FMNL3: variants seen among roughly 807,000 people sequenced by gnomAD.
FMNL3 encodes the protein formin-like protein 3.
In FMNL3, 57 loss-of-function variants were observed where a neutral mutation model predicts 119.6. The ratio of observed to expected loss-of-function variants is 0.48; its 90% CI spans 0.39 to 0.59. The LOEUF (loss-of-function observed/expected upper bound fraction) is 0.59. Among genes scored for constraint, FMNL3 ranks in the 20% least tolerant of loss-of-function variants. The pLI is 0.00. For synonymous variants in FMNL3, 491 were observed against 507.3 expected, an observed-to-expected ratio of 0.97 and a Z score of 0.43; for missense variants, 1,053 against 1,323.5, an observed-to-expected ratio of 0.80 and a Z score of 3.17.
At position 49,651,485 on chromosome 12, in the gene FMNL3, G is replaced by A. The variant is rs79956145; in HGVS notation, c.1604-35C>T. ...GAAGAAATGACACAGTGACCCAGGC[G>A]TCAAGAGACTCTTCATAGGCTTCCC... On this transcript the variant is annotated intron_variant, in intron 14 of 25. Transcript: ENST00000335154. 4,924 of 1,428,658 alleles carry A rather than the reference G, an allele frequency of 3.4e-3. 135 individuals are homozygous for A. The African/African-American group carries it at 0.063, about 18-fold the overall frequency. 88.5% of individuals were successfully genotyped at this position (1,428,658 alleles called of 1,614,324 possible). A position where few individuals can be genotyped will look rare whatever the true frequency, so the allele number is the denominator to read the frequency against.
intron 1 of FMNL3, among the ~76,000 whole-genome samples, 197 bp downstream of exon 1, chr12:49,706,858 G>A (rs1376213254): frequency 2.0e-5 from 3 of 152,094 alleles, no homozygotes; most frequent in Admixed American, 2.0e-4. Context: ...GGAGGCGTCG[G>A]TCCCGAGATC....
In FMNL3 at chr12:49,640,611, T is replaced by A. The variant is rs1942500101; in HGVS notation, c.*5204A>T. 6.6e-6 allele frequency: 1 copy of A among 152,212 alleles called. No homozygotes were observed. Among genetic ancestry groups the A allele is most frequent in the Non-Finnish European group, 1.5e-5 (1 of 68,038 alleles). The allele number at this position is 152,212 out of a possible 1,614,324, so 9.4% of individuals were successfully genotyped here. On this transcript the variant is annotated 3_prime_UTR_variant, in exon 26 of 26. Transcript: ENST00000335154. ...AGATTACTCCTGGTTGCTTATTGGC[T>A]CTGAGACCTCCGTAAGTTCCGTGTC...
intron 1 of FMNL3, among the ~76,000 whole-genome samples, chr12:49,695,673 C>A (rs1337521505): frequency 6.6e-6 from 1 of 152,078 alleles, no homozygotes; most frequent in African/African-American, 2.4e-5. Context: ...TGAGCCATTC[C>A]TAAAAGGATG....
chr12:49,674,699 G>A (rs189919750), intron 1 of FMNL3, among the ~76,000 whole-genome samples: 2 of 152,342 alleles, frequency 1.3e-5, no homozygotes, highest in African/African-American at 4.8e-5. Flanking sequence ...TTGTTCAATT[G>A]AAGCTACCAC....
chr12:49,664,320 A>G (rs1342779672), intron 4 of FMNL3, among the ~76,000 whole-genome samples: 1 of 152,192 alleles, frequency 6.6e-6, no homozygotes, highest in East Asian at 1.9e-4. Flanking sequence ...TAGGAGGATC[A>G]CTTGAGCCCT....
rs760411628 is a variant in FMNL3, at chr12:49,654,244, CG to C, written c.1018del (p.Arg340GlyfsTer13). On this transcript the variant is annotated frameshift_variant, in exon 11 of 26. Coordinates refer to ENST00000335154, the MANE Select transcript of FMNL3 (RefSeq NM_175736.5). LOFTEE classifies it high-confidence loss of function. ...VVHSVEDMNF[R>X]VHLQYEFTKL... ...GGTAAACTCATACTGCAGGTGGACC[CG>C]GAAGTTCATGTCCTCCACCGAGTGC... 1 of 1,614,040 alleles carries C rather than the reference CG, an allele frequency of 6.2e-7. No homozygotes were observed. Among genetic ancestry groups the C allele is most frequent in the Non-Finnish European group, 8.5e-7 (1 of 1,180,018 alleles).
intron 3 of FMNL3, 24 bp downstream of exon 3, chr12:49,666,103 G>A: frequency 6.2e-7 from 1 of 1,609,904 alleles, no homozygotes; most frequent in Non-Finnish European, 8.5e-7. Context: ...TGGCAAGACG[G>A]GGACTCTCTG....
intron 10 of FMNL3, 142 bp downstream of exon 10, chr12:49,654,768 G>A (rs941960345): frequency 1.3e-6 from 1 of 778,976 alleles, no homozygotes; most frequent in South Asian, 1.7e-5. Context: ...GGGTAGGCAG[G>A]TGGACAAGAA....
At chr12:49,682,139 T>C (rs1203741803) in intron 1 of FMNL3, among the ~76,000 whole-genome samples, 1 of 151,672 alleles carries the variant, frequency 6.6e-6, no homozygotes, top group Non-Finnish European at 1.5e-5. Context: ...GGCTAGATCT[T>C]GGCTCACTGC....
At position 49,653,223 on chromosome 12, in the gene FMNL3, T is replaced by C; in HGVS notation, c.1323+3A>G. On this transcript the variant is annotated splice_donor_region_variant and intron_variant, in intron 13 of 25. Coordinates refer to ENST00000335154, the MANE Select transcript of FMNL3 (RefSeq NM_175736.5). ...GGGACTGCCTTCCCCAGAGTACTTG[T>C]ACCTTGATGCTCTCTAGTTCCTTCT... is the stretch of plus-strand genomic sequence containing the variant. The C allele has an allele frequency of 6.2e-7, 1 of 1,613,908 alleles. No homozygotes were observed. The highest frequency in any genetic ancestry group is 8.5e-7 in the Non-Finnish European group (1 of 1,179,904).
chr12:49,641,893 C>T lies in FMNL3; in HGVS notation c.*3922G>A, dbSNP rs747146229. The T allele has an allele frequency of 8.1e-6, 13 of 1,610,584 alleles. No individual in the cohort carries two copies. Among genetic ancestry groups the T allele is most frequent in the Non-Finnish European group, 1.1e-5 (13 of 1,178,496 alleles). ...GCACGTGGTGCCCCTGCTTCATGCA[C>T]TGCTGTACCCACAGGACCGGGGCTT... On this transcript the variant is annotated 3_prime_UTR_variant, in exon 26 of 26. Transcript: ENST00000335154.
At position 49,644,475 on chromosome 12, in the gene FMNL3, G is replaced by A. The variant is rs1396780253; in HGVS notation, c.*1340C>T. On this transcript the variant is annotated 3_prime_UTR_variant, in exon 26 of 26. Coordinates refer to ENST00000335154, the MANE Select transcript of FMNL3 (RefSeq NM_175736.5). ...GCCAGTAGATAAAAGTGTGAGAGAA[G>A]GGGTCTCCAGGGAAGAGTCACAGGC... 1 of 432,312 alleles carries A rather than the reference G, an allele frequency of 2.3e-6. No individual in the cohort carries two copies. The highest frequency in any genetic ancestry group is 4.4e-6 in the Non-Finnish European group (1 of 229,646). 26.8% of individuals were successfully genotyped at this position (432,312 alleles called of 1,614,324 possible).
intron 1 of FMNL3, among the ~76,000 whole-genome samples, chr12:49,701,854 C>CAG (rs1944918371): frequency 6.6e-6 from 1 of 151,998 alleles, no homozygotes; most frequent in Non-Finnish European, 1.5e-5. Context: ...ACCCAGGAGG[C>CAG]AGAGGTTGCA....
At chr12:49,695,520 C>A (rs1342016578) in intron 1 of FMNL3, among the ~76,000 whole-genome samples, 1 of 152,146 alleles carries the variant, frequency 6.6e-6, no homozygotes, top group Non-Finnish European at 1.5e-5. Flanking sequence ...AAAAACACTG[C>A]AGTGAAATAC....
In FMNL3 at chr12:49,648,372, G is replaced by A. The variant is rs767888236; in HGVS notation, c.2516-19C>T. ...AGGGACACTGGTCACCAAAAGCCTG[G>A]CTGAGGAATGCCTAGGGCCTGGCAT... On this transcript the variant is annotated intron_variant, in intron 21 of 25. Coordinates refer to ENST00000335154, the MANE Select transcript of FMNL3 (RefSeq NM_175736.5). The A allele has an allele frequency of 6.2e-7, 1 of 1,603,346 alleles. No individual in the cohort carries two copies. The highest frequency in any genetic ancestry group is 1.1e-5 in the South Asian group (1 of 89,804).
Position 49,652,128 on chromosome 12 carries a change from G to A in FMNL3, c.1408C>T (p.His470Tyr), listed in dbSNP as rs1350644880. The A allele has an allele frequency of 1.9e-6, 3 of 1,613,146 alleles. No individual in the cohort carries two copies. The highest frequency in any genetic ancestry group is 2.2e-5 in the South Asian group (2 of 90,784). Residue 470 changes from histidine (H) to tyrosine (Y), a missense_variant, in exon 14 of 26, where the codon CAT (histidine) becomes TAT (tyrosine). Transcript: ENST00000335154. ...AGGCCCCGGACATTTGGCTCCAAAT[G>A]ACATCGACGCTGAAAGGCCTCCTCC... ...EKEEAFQRRCHLEPNVRGLES... is the reference protein window; with the variant it reads ...EKEEAFQRRCYLEPNVRGLES...
intron 1 of FMNL3, among the ~76,000 whole-genome samples, chr12:49,686,317 C>G (rs1389948829): frequency 6.6e-6 from 1 of 150,766 alleles, no homozygotes; most frequent in East Asian, 2.1e-4. Context: ...CGTGGTGGCT[C>G]ACACCTGTAA....
At chr12:49,665,019 C>T (rs1943849225) in intron 4 of FMNL3, among the ~76,000 whole-genome samples, 1 of 152,036 alleles carries the variant, frequency 6.6e-6, no homozygotes, top group Non-Finnish European at 1.5e-5. Context: ...TGCAGTTCTA[C>T]ATCACGTGTC....
At chr12:49,697,796 C>T (rs1381447784) in intron 1 of FMNL3, among the ~76,000 whole-genome samples, 3 of 151,924 alleles carry the variant, frequency 2.0e-5, no homozygotes, top group South Asian at 2.1e-4. Flanking sequence ...TATCCTCACA[C>T]GTGTCATAAA....
Sources: gnomAD v4.1 joint callset for allele counts (sites outside exome capture counted in the v4.1 genomes callset) on GRCh38, gnomAD v4.1.1 for gene constraint, MANE v1.5 for transcripts, NCBI Gene and HGNC (gene_info 2026-07-23, HGNC 2026-07-21) for gene names.